The following CTU2 variants were observed in gnomAD, a reference collection of about 807,000 sequenced individuals.
CTU2 encodes cytosolic thiouridylase subunit 2.
CTU2 carries 80 observed loss-of-function variants against 64.1 expected under a neutral mutation model. The ratio of observed to expected loss-of-function variants is 1.25; its 90% CI spans 1.04 to 1.50. The LOEUF (loss-of-function observed/expected upper bound fraction) is 1.50. CTU2 is among the 40% of genes most tolerant of loss of function. CTU2 has a pLI of 0.00. For synonymous variants in CTU2, 482 were observed against 285.3 expected (o/e 1.69, Z -6.95); for missense variants, 1,110 against 690.2 (o/e 1.61, Z -6.81).
At chr16:88,707,696 G>T (rs1321086523) in intron 2 of CTU2, among the ~76,000 whole-genome samples, 1 of 152,166 alleles carries the variant, frequency 6.6e-6, no homozygotes, top group East Asian at 1.9e-4. Context: ...TGTAGCCATT[G>T]TATTGTTCAG....
At position 88,713,316 on chromosome 16, in the gene CTU2, C is replaced by T; in HGVS notation, c.742C>T (p.His248Tyr). 2 of 1,596,232 alleles carry T rather than the reference C, an allele frequency of 1.3e-6. No homozygotes were observed. Among genetic ancestry groups the T allele is most frequent in the Non-Finnish European group, 8.5e-7 (1 of 1,172,804 alleles). The change falls in exon 8 of 15, where the codon CAC becomes TAC. Residue 248 changes from histidine to tyrosine, a missense_variant. By Grantham distance (83) the His-to-Tyr change is moderately conservative. Transcript: ENST00000453996. Reference protein sequence around the residue: ...KEELLQTLRTHLILHMARAHG... With the variant: ...KEELLQTLRTYLILHMARAHG... ...CTGAGACGCTCTGTGCTTTAGGACC[C>T]ACCTGATCCTCCACATGGCCCGAGC...
chr16:88,713,993 T>C, intron 9 of CTU2, 143 bp from the exon 10 acceptor site: 2 of 1,040,138 alleles, frequency 1.9e-6, no homozygotes, highest in Non-Finnish European at 2.9e-6. Flanking sequence ...AAGCGGGTTC[T>C]CTGGCTGCCT....
At chr16:88,707,004 TTGTG>T in intron 1 of CTU2, 128 bp from the exon 2 acceptor site, 1 of 799,058 alleles carries the variant, frequency 1.3e-6, no homozygotes. Flanking sequence ...AAGCCTGGGT[TTGTG>T]TGTGTACCGA....
intron 4 of CTU2, among the ~76,000 whole-genome samples, 174 bp from the exon 5 acceptor site, chr16:88,711,461 A>G (rs577674407): frequency 6.6e-6 from 1 of 152,216 alleles, no homozygotes; most frequent in Non-Finnish European, 1.5e-5. Context: ...GGCCTCGCCT[A>G]CTGGGCCTGC....
At chr16:88,708,694 A>G (rs1274359200) in intron 2 of CTU2, among the ~76,000 whole-genome samples, 1 of 152,122 alleles carries the variant, frequency 6.6e-6, no homozygotes, top group Non-Finnish European at 1.5e-5. Context: ...CGTGGTATCC[A>G]TTCAACGTAG....
Position 88,713,769 on chromosome 16 carries a change from C to G in CTU2, c.996C>G (p.Val332=), listed in dbSNP as rs751008675. ...TTCCTTCTGTCTTCACACCAGCCGT[C>G]GACACCAAGGTGGGCCTTGTGGGCT... ...FSVPSVFTPA[V]DTKAPEKASI... Residue 332 remains valine, a synonymous_variant, in exon 9 of 15, where the codon GTC becomes GTG. Transcript: ENST00000453996. 33 of 1,612,518 alleles carry G rather than the reference C, an allele frequency of 2.0e-5. No individual in the cohort carries two copies. In the African/African-American group the frequency reaches 2.9e-4, roughly 14 times the overall value.
intron 9 of CTU2, 61 bp from the exon 10 acceptor site, chr16:88,714,075 C>T: frequency 6.5e-7 from 1 of 1,526,948 alleles, no homozygotes; most frequent in Non-Finnish European, 9.1e-7. Flanking sequence ...CCTGGGGACT[C>T]TGCCCCAGCC....
At chr16:88,713,270 G>T in intron 7 of CTU2, 42 bp from the exon 8 acceptor site, 2 of 1,486,944 alleles carry the variant, frequency 1.3e-6, no homozygotes, top group Middle Eastern at 2.0e-4. Flanking sequence ...CCCTTCCCCG[G>T]GTCCTGCACC....
rs749602009 is a variant in CTU2, at chr16:88,713,733, C to T, written c.960C>T (p.Arg320=). 3.1e-6 allele frequency: 5 copies of T among 1,612,604 alleles called. No homozygotes were observed. The highest frequency in any genetic ancestry group is 2.2e-5 in the East Asian group (1 of 44,884). Residue 320 remains arginine (R), a synonymous_variant, in exon 9 of 15, where the codon CGC becomes CGT. Transcript: ENST00000453996. ...HTLKEVAFYN[R]LFSVPSVFTP... ...TGAAGGAGGTCGCTTTCTACAACCG[C>T]CTGTTCTCCGTTCCTTCTGTCTTCA...
chr16:88,714,941 A>C lies in CTU2; in HGVS notation c.1419+15A>C, dbSNP rs1471366594. 2 of 1,611,810 alleles carry C rather than the reference A, an allele frequency of 1.2e-6. No homozygotes were observed. The highest frequency in any genetic ancestry group is 1.7e-6 in the Non-Finnish European group (2 of 1,179,530). On this transcript the variant is annotated intron_variant, in intron 13 of 14. Coordinates refer to ENST00000453996, the MANE Select transcript of CTU2 (RefSeq NM_001012759.3). ...TGAAGGACTTGGTGAGTACGTGCCC[A>C]CCTGTCCTGGGCCGGGCTTGGGGAC...
intron 14 of CTU2, 27 bp downstream of exon 14, chr16:88,715,133 C>T (rs751260078): frequency 2.1e-5 from 34 of 1,604,752 alleles, no homozygotes; most frequent in East Asian, 6.7e-5. Context: ...TGCCGTGGCG[C>T]GTGGGTAAGG....
chr16:88,714,645 C>T lies in CTU2; in HGVS notation c.1260C>T (p.Pro420=). 1 of 1,612,628 alleles carries T rather than the reference C, an allele frequency of 6.2e-7. No individual in the cohort carries two copies. Among genetic ancestry groups the T allele is most frequent in the Non-Finnish European group, 8.5e-7 (1 of 1,179,866 alleles). ...CGCGTCTCTCCCAGATGCAGTCACC[C>T]ATCCCCCTGACTGAGACCCGGACAC... ...TSSRLSQMQS[P]IPLTETRTPP... Residue 420 remains proline (P), a synonymous_variant, in exon 12 of 15, where the codon CCC becomes CCT. Transcript: ENST00000453996.
Position 88,714,136 on chromosome 16 carries a change from G to A in CTU2, c.1006G>A (p.Ala336Thr). The change falls in exon 10 of 15, where the codon GCC becomes ACC. Residue 336 changes from alanine (A) to threonine (T), a missense_variant and splice_region_variant. Physicochemically the swap from Ala to Thr is moderately conservative, Grantham distance 58. Coordinates refer to ENST00000453996, the MANE Select transcript of CTU2 (RefSeq NM_001012759.3). ...SVFTPAVDTK[A>T]PEKASIHRLM... ...TAGCCTCCAATCTGATTGTCCCTAG[G>A]CCCCTGAAAAGGCCAGCATCCACCG... 1 of 1,612,512 alleles carries A rather than the reference G, an allele frequency of 6.2e-7. No homozygotes were observed. Among genetic ancestry groups the A allele is most frequent in the Non-Finnish European group, 8.5e-7 (1 of 1,179,774 alleles).
In CTU2 at chr16:88,712,161, G is replaced by A. The variant is rs184212440; in HGVS notation, c.344-113G>A. The stretch of plus-strand genomic sequence containing the variant: ...CGACACCCCACAGCTCCGCCAGGAA[G>A]CACCGCCCTGCGGAGCGAGGCCTCG... On this transcript the variant is annotated intron_variant, in intron 5 of 14. Transcript: ENST00000453996. 371 of 911,464 alleles carry A rather than the reference G, an allele frequency of 4.1e-4. No individual in the cohort carries two copies. Among genetic ancestry groups the A allele is most frequent in the Non-Finnish European group, 6.2e-4 (350 of 567,040 alleles). 56.5% of individuals were successfully genotyped at this position (911,464 alleles called of 1,614,324 possible). A position where few individuals can be genotyped will look rare whatever the true frequency, so the allele number is the denominator to read the frequency against.
chr16:88,712,670 G>C lies in CTU2; in HGVS notation c.502G>C (p.Val168Leu). 6.2e-7 allele frequency: 1 copy of C among 1,610,658 alleles called. No individual in the cohort carries two copies. Among genetic ancestry groups the C allele is most frequent in the African/African-American group, 1.3e-5 (1 of 74,964 alleles). The change falls in exon 7 of 15, where the codon GTG becomes CTG. Residue 168 changes from valine (V) to leucine (L), a missense_variant. Coordinates refer to ENST00000453996, the MANE Select transcript of CTU2 (RefSeq NM_001012759.3). ...SVLWCSAQEL[V>L]GSEGAYKAAV... ...GCTTTGGTGCTCTGCCCAGGAGCTG[G>C]TGGGATCCGAGGGGGCCTACAAGGC...
chr16:88,709,860 C>G (rs761732270), intron 2 of CTU2, 78 bp from the exon 3 acceptor site: 15 of 1,187,414 alleles, frequency 1.3e-5, no homozygotes, highest in Non-Finnish European at 1.9e-5. Context: ...CAAAGGACGT[C>G]GTCACCTGGC....
chr16:88,713,558 G>T, intron 8 of CTU2, 89 bp from the exon 9 acceptor site: 1 of 1,560,820 alleles, frequency 6.4e-7, no homozygotes. Flanking sequence ...GGATGGTGGT[G>T]GGGTCTGTGA....
chr16:88,714,760 C>T (rs752536568), intron 12 of CTU2, 23 bp downstream of exon 12: 2 of 1,605,490 alleles, frequency 1.2e-6, no homozygotes, highest in Non-Finnish European at 1.7e-6. Context: ...CCCTGCCACC[C>T]ATGGCCAGCT....
intron 5 of CTU2, chr16:88,712,033 G>T (rs1911363188): frequency 3.1e-6 from 2 of 651,274 alleles, no homozygotes; most frequent in South Asian, 3.4e-5. Flanking sequence ...GGGCCCAGGG[G>T]CCGACTCCCC....
Sources: gnomAD v4.1 joint callset for allele counts (sites outside exome capture counted in the v4.1 genomes callset) on GRCh38, gnomAD v4.1.1 for gene constraint, MANE v1.5 for transcripts, NCBI Gene and HGNC (gene_info 2026-07-23, HGNC 2026-07-21) for gene names.